The following SLC24A3 variants were observed in gnomAD, a reference collection of about 807,000 sequenced individuals.
SLC24A3 encodes the protein solute carrier family 24 member 3, also known as sodium/potassium/calcium exchanger 3.
Under a neutral mutation model 75.8 loss-of-function variants are expected in SLC24A3, and 28 were observed. The ratio of observed to expected loss-of-function variants is 0.37; its 90% CI spans 0.27 to 0.51. SLC24A3 has a LOEUF of 0.51. Among genes scored for constraint, SLC24A3 ranks in the 20% least tolerant of loss-of-function variants. The probability of loss-of-function intolerance (pLI) is 0.94; values close to 1 mark genes in which losing one functional copy is unlikely to be tolerated. For synonymous variants in SLC24A3, 372 were observed against 334.1 expected (o/e 1.11, Z -1.24); for missense variants, 663 against 847.8 (o/e 0.78, Z 2.71).
At chr20:19,368,049 T>C (rs1339387898) in intron 2 of SLC24A3, among the ~76,000 whole-genome samples, 1 of 152,206 alleles carries the variant, frequency 6.6e-6, no homozygotes, top group African/African-American at 2.4e-5. Flanking sequence ...AGTGTTAATT[T>C]CAGGTAGTTA....
intron 2 of SLC24A3, among the ~76,000 whole-genome samples, chr20:19,513,228 C>T (rs1036642480): frequency 1.3e-5 from 2 of 152,200 alleles, no homozygotes; most frequent in Non-Finnish European, 2.9e-5. Flanking sequence ...AATGGAATTG[C>T]AGATCCATGC....
chr20:19,592,125 C>G (rs987971516), intron 6 of SLC24A3, among the ~76,000 whole-genome samples: 4 of 152,152 alleles, frequency 2.6e-5, no homozygotes, highest in Admixed American at 1.3e-4. Flanking sequence ...ATTATCAGTA[C>G]TATTTTGTTT....
At chr20:19,671,240 G>C (rs2032462985) in intron 8 of SLC24A3, among the ~76,000 whole-genome samples, 1 of 152,230 alleles carries the variant, frequency 6.6e-6, no homozygotes, top group Admixed American at 6.5e-5. Context: ...GGCTCTGGGA[G>C]AGGGAAAGAG....
intron 4 of SLC24A3, among the ~76,000 whole-genome samples, chr20:19,584,676 T>G (rs570450016): frequency 6.6e-6 from 1 of 152,254 alleles, no homozygotes; most frequent in South Asian, 2.1e-4. Context: ...GACCCCTAGA[T>G]CTTCCCAAGA....
At chr20:19,278,834 G>T (rs1983568805) in intron 1 of SLC24A3, among the ~76,000 whole-genome samples, 1 of 152,210 alleles carries the variant, frequency 6.6e-6, no homozygotes, top group Non-Finnish European at 1.5e-5. Context: ...TTGATATCTT[G>T]CTAAATTTAC....
intron 2 of SLC24A3, among the ~76,000 whole-genome samples, chr20:19,310,577 AC>A (rs1444409569): frequency 1.3e-5 from 2 of 152,246 alleles, no homozygotes; most frequent in South Asian, 2.1e-4. Context: ...TTCAGGACTG[AC>A]CTGCGGCTAC....
rs375854330 is a variant in SLC24A3 at position 19,362,672 on chromosome 20, T to C, written c.271+81585T>C. 4.6e-5 allele frequency among the ~76,000 whole-genome samples: 7 copies of C among 152,164 alleles called. No homozygotes were observed. The East Asian group carries it at 1.2e-3, about 25-fold the overall frequency. On this transcript the variant is annotated intron_variant, in intron 2 of 16. Transcript: ENST00000328041. ...AGTTACCTGCAGACCACCAACCATG[T>C]GGGTCTCCCAAAGTAGAAGGAGGAC...
chr20:19,535,575 C>T (rs2030380462), intron 3 of SLC24A3, among the ~76,000 whole-genome samples: 1 of 152,178 alleles, frequency 6.6e-6, no homozygotes, highest in Non-Finnish European at 1.5e-5. Flanking sequence ...ATTCAAAAGG[C>T]CAGCTGCTGT....
intron 3 of SLC24A3, among the ~76,000 whole-genome samples, chr20:19,569,426 G>A (rs1470145721): frequency 6.6e-6 from 1 of 152,030 alleles, no homozygotes; most frequent in Non-Finnish European, 1.5e-5. Context: ...TTCCACTCCT[G>A]TGGCCCTCCT....
At chr20:19,266,161 A>T (rs558623169) in intron 1 of SLC24A3, among the ~76,000 whole-genome samples, 1 of 152,326 alleles carries the variant, frequency 6.6e-6, no homozygotes, top group African/African-American at 2.4e-5. Context: ...AAGAAAAAAA[A>T]ATGATGTCAT....
chr20:19,260,781 C>T (rs1241444893), intron 1 of SLC24A3, among the ~76,000 whole-genome samples: 1 of 152,212 alleles, frequency 6.6e-6, no homozygotes, highest in Non-Finnish European at 1.5e-5. Flanking sequence ...CTGTAGGCAT[C>T]ATTCTCAGTA....
intron 1 of SLC24A3, among the ~76,000 whole-genome samples, chr20:19,233,897 T>C (rs1982095396): frequency 6.6e-6 from 1 of 152,236 alleles, no homozygotes; most frequent in South Asian, 2.1e-4. Flanking sequence ...GGAGCATTTA[T>C]GCTAAATTGT....
chr20:19,665,233 A>G (rs2032383768), intron 7 of SLC24A3, among the ~76,000 whole-genome samples: 2 of 152,220 alleles, frequency 1.3e-5, no homozygotes, highest in African/African-American at 4.8e-5. Context: ...TTGGGCGCCA[A>G]CAGTGTCCAG....
intron 2 of SLC24A3, among the ~76,000 whole-genome samples, chr20:19,490,643 A>G (rs1988195824): frequency 6.6e-6 from 1 of 152,224 alleles, no homozygotes; most frequent in Admixed American, 6.5e-5. Context: ...AGATTTTGCC[A>G]AAGACACTCT....
At chr20:19,226,191 CT>C (rs1387678470) in intron 1 of SLC24A3, among the ~76,000 whole-genome samples, 1 of 152,044 alleles carries the variant, frequency 6.6e-6, no homozygotes, top group South Asian at 2.1e-4. Context: ...GGTTTTAATT[CT>C]TTAGACAGTT....
At chr20:19,451,438 T>A (rs938527742) in intron 2 of SLC24A3, among the ~76,000 whole-genome samples, 1 of 152,242 alleles carries the variant, frequency 6.6e-6, no homozygotes, top group Admixed American at 6.5e-5. Flanking sequence ...CGTCATCATG[T>A]TGAGCCTCTG....
chr20:19,643,577 C>G (rs948437795), intron 6 of SLC24A3, among the ~76,000 whole-genome samples: 4 of 152,168 alleles, frequency 2.6e-5, no homozygotes, highest in Admixed American at 1.3e-4. Context: ...TCTCCTAACA[C>G]CATGAAAAAT....
At chr20:19,509,925 T>C (rs1240355586) in intron 2 of SLC24A3, among the ~76,000 whole-genome samples, 1 of 152,234 alleles carries the variant, frequency 6.6e-6, no homozygotes, top group Non-Finnish European at 1.5e-5. Flanking sequence ...AGATTCCCAA[T>C]TGAGGACACT....
At chr20:19,550,421 A>G (rs1285973718) in intron 3 of SLC24A3, among the ~76,000 whole-genome samples, 2 of 152,190 alleles carry the variant, frequency 1.3e-5, no homozygotes, top group Non-Finnish European at 2.9e-5. Context: ...AGAGAAGGGG[A>G]GACCCAATGA....
Sources: allele counts gnomAD v4.1 joint callset (sites outside exome capture counted in the v4.1 genomes callset), GRCh38; gene constraint gnomAD v4.1.1; transcripts MANE v1.5; gene names NCBI Gene and HGNC (gene_info 2026-07-23, HGNC 2026-07-21).